Variants in SPX observed in about 807,000 individuals in gnomAD.
SPX encodes the protein spexin.
In SPX, 22 loss-of-function variants were observed where a neutral mutation model predicts 19.2. That is an observed-to-expected ratio of 1.15 (90% CI 0.82 to 1.64). The LOEUF is 1.64. Ranked by LOEUF, SPX falls within the 40% of genes most tolerant of loss-of-function variation. The pLI is 0.00. For synonymous variants in SPX, 50 were observed against 53.3 expected, an observed-to-expected ratio of 0.94 and a Z score of 0.27; for missense variants, 143 against 137.7, an observed-to-expected ratio of 1.04 and a Z score of -0.19.
intron 5 of SPX, 31 bp downstream of exon 5, chr12:21,529,115 T>A (rs571063486): frequency 6.3e-7 from 1 of 1,581,950 alleles, no homozygotes; most frequent in Admixed American, 1.7e-5. Context: ...TTCACCTGCA[T>A]AACAGAACAG....
chr12:21,529,130 G>A, intron 5 of SPX, 46 bp downstream of exon 5: 1 of 1,567,938 alleles, frequency 6.4e-7, no homozygotes, highest in East Asian at 2.2e-5. Context: ...GAACAGCTTT[G>A]CTTACTTTCG....
intron 3 of SPX, 162 bp downstream of exon 3, chr12:21,527,354 GA>G (rs773297855): frequency 4.6e-4 from 312 of 675,358 alleles, no homozygotes; most frequent in Middle Eastern, 8.1e-4. Flanking sequence ...TGGGAGAGGG[GA>G]AGAGTCCCTG....
At chr12:21,527,405 C>G in intron 3 of SPX, 1 of 611,736 alleles carries the variant, frequency 1.6e-6, no homozygotes. Context: ...AATTCTCCAT[C>G]CAAAACTGGA....
intron 5 of SPX, 127 bp from the exon 6 acceptor site, chr12:21,531,010 C>T (rs1943860248): frequency 1.6e-6 from 1 of 623,822 alleles, no homozygotes. Flanking sequence ...TTTTCAGTAG[C>T]AGAGTCCATA....
intron 3 of SPX, 70 bp from the exon 4 acceptor site, chr12:21,527,657 A>C: frequency 6.9e-7 from 1 of 1,449,436 alleles, no homozygotes; most frequent in Non-Finnish European, 9.5e-7. Context: ...CTGTGCCGGG[A>C]GGAGCTGAGG....
At chr12:21,530,306 C>CTGGTT (rs1014733963) in intron 5 of SPX, among the ~76,000 whole-genome samples, 31 of 151,030 alleles carry the variant, frequency 2.1e-4, no homozygotes, top group Non-Finnish European at 3.3e-4. Flanking sequence ...GGACGCCGTT[C>CTGGTT]TGGTTTTGTT....
chr12:21,526,767 GTATTAAAACAGAA>G (rs1943818174), intron 1 of SPX, 106 bp from the exon 2 acceptor site: 1 of 1,012,182 alleles, frequency 9.9e-7, no homozygotes, highest in South Asian at 1.5e-5. Flanking sequence ...AGAAAACTGA[GTATTAAAACAGAA>G]TATTGCGAGA....
In SPX at chr12:21,531,295, A is replaced by C; in HGVS notation, c.*100A>C. On this transcript the variant is annotated 3_prime_UTR_variant, in exon 6 of 6. Coordinates refer to ENST00000256969, the MANE Select transcript of SPX (RefSeq NM_030572.4). ...CCCTTTTATTCCATTTGTAATCTTA[A>C]GAACACACACAGATAGTTTTATTCT... The C allele has an allele frequency of 1.2e-6, 1 of 820,710 alleles. No individual in the cohort carries two copies. 50.8% of individuals were successfully genotyped at this position (820,710 alleles called of 1,614,324 possible).
chr12:21,527,705 G>A (rs57439027), intron 3 of SPX, 22 bp from the exon 4 acceptor site: 30 of 1,557,848 alleles, frequency 1.9e-5, no homozygotes, highest in South Asian at 3.5e-5. Flanking sequence ...CTGTCGCTGA[G>A]CCCCAGGTCT....
At chr12:21,527,872 C>A (rs1007658367) in intron 4 of SPX, 83 bp downstream of exon 4, 12 of 1,435,642 alleles carry the variant, frequency 8.4e-6, no homozygotes, top group Non-Finnish European at 1.0e-5. Context: ...GCGCTGGTGC[C>A]GAAAGAAAGC....
Position 21,528,143 on chromosome 12 carries a change from C to T in SPX, c.208+354C>T, listed in dbSNP as rs531729631. 1.7e-5 allele frequency: 4 copies of T among 235,068 alleles called. No individual in the cohort carries two copies. The South Asian group carries it at 4.5e-4, about 27-fold the overall frequency. 14.6% of individuals were successfully genotyped at this position (235,068 alleles called of 1,614,324 possible). On this transcript the variant is annotated intron_variant, in intron 4 of 5. Transcript: ENST00000256969. ...CAGGGAGTTAGGACCTGAGGTGCAG[C>T]TCAGAGGGGTAAGGCGAGATAGGAA...
At chr12:21,527,901 C>T (rs1408919201) in intron 4 of SPX, 112 bp downstream of exon 4, 4 of 1,306,408 alleles carry the variant, frequency 3.1e-6, no homozygotes, top group Non-Finnish European at 4.2e-6. Context: ...ACCGGAAAGA[C>T]GCGGCTCTGA....
chr12:21,527,493 G>T, intron 3 of SPX: 1 of 603,446 alleles, frequency 1.7e-6, no homozygotes, highest in Non-Finnish European at 2.9e-6. Flanking sequence ...GCTCCAAAGC[G>T]CCCTTGCGGC....
At chr12:21,531,041 C>G in intron 5 of SPX, 96 bp from the exon 6 acceptor site, 2 of 782,702 alleles carry the variant, frequency 2.6e-6, no homozygotes, top group Non-Finnish European at 4.2e-6. Flanking sequence ...GCTTAGAAGG[C>G]TAAATGTTTA....
intron 3 of SPX, 32 bp downstream of exon 3, chr12:21,527,224 TA>T: frequency 6.3e-7 from 1 of 1,586,618 alleles, no homozygotes; most frequent in Non-Finnish European, 8.7e-7. Flanking sequence ...CTTCCTACAA[TA>T]ATGGAAGACC....
At position 21,529,047 on chromosome 12, in the gene SPX, A is replaced by G; in HGVS notation, c.255A>G (p.Ala85=). The G allele has an allele frequency of 6.2e-7, 1 of 1,614,188 alleles. No individual in the cohort carries two copies. The highest frequency in any genetic ancestry group is 1.1e-5 in the South Asian group (1 of 91,092). Residue 85 remains alanine (A), a synonymous_variant, in exon 5 of 6, where the codon GCA becomes GCG. Coordinates refer to ENST00000256969, the MANE Select transcript of SPX (RefSeq NM_030572.4). ...AACTACTAACTATTCCGGAGGCAGC[A>G]ACCATCTTACTGGCGTCCCTTCAGA... ...NPQLLTIPEA[A]TILLASLQKS... is the part of the protein sequence containing the mutation.
chr12:21,529,118 C>A, intron 5 of SPX, 34 bp downstream of exon 5: 2 of 1,580,844 alleles, frequency 1.3e-6, no homozygotes, highest in Non-Finnish European at 1.7e-6. Context: ...ACCTGCATAA[C>A]AGAACAGCTT....
At position 21,532,239 on chromosome 12, in the gene SPX, T is replaced by C. The variant is rs1943872471; in HGVS notation, c.*1044T>C. The C allele has an allele frequency of 6.6e-6, 1 of 152,214 alleles. No individual in the cohort carries two copies. The highest frequency in any genetic ancestry group is 1.5e-5 in the Non-Finnish European group (1 of 68,030). The allele number at this position is 152,214 out of a possible 1,614,324, so 9.4% of individuals were successfully genotyped here. ...TATAATATGACCATCATGTTAATTA[T>C]TTTTTACCTAATCAGAGTTGTTATT... On this transcript the variant is annotated 3_prime_UTR_variant, in exon 6 of 6. Transcript: ENST00000256969.
chr12:21,527,656 G>C, intron 3 of SPX, 71 bp from the exon 4 acceptor site: 1 of 1,451,212 alleles, frequency 6.9e-7, no homozygotes, highest in Non-Finnish European at 9.5e-7. Context: ...GCTGTGCCGG[G>C]AGGAGCTGAG....
Sources: gnomAD v4.1 joint callset for allele counts (sites outside exome capture counted in the v4.1 genomes callset) on GRCh38, gnomAD v4.1.1 for gene constraint, MANE v1.5 for transcripts, NCBI Gene and HGNC (gene_info 2026-07-23, HGNC 2026-07-21) for gene names.